ZNF892: variants seen among roughly 807,000 people sequenced by gnomAD.
ZNF892 encodes the protein zinc finger protein 892.
the ZNF892 span, among the ~76,000 whole-genome samples, chr2:95,224,584 T>C: frequency 6.6e-6 from 1 of 152,106 alleles, no homozygotes; most frequent in Non-Finnish European, 1.5e-5. Context: ...TGAGAACTCT[T>C]ATCACAAGAA....
the ZNF892 span, among the ~76,000 whole-genome samples, chr2:95,223,857 A>G: frequency 6.6e-6 from 1 of 152,198 alleles, no homozygotes; most frequent in African/African-American, 2.4e-5. Context: ...TATGGTCTGT[A>G]TGTTTGTGTA....
At chr2:95,216,376 A>T in the ZNF892 span, among the ~76,000 whole-genome samples, 1 of 152,206 alleles carries the variant, frequency 6.6e-6, no homozygotes, top group Admixed American at 6.5e-5. Context: ...TAGAAAATTG[A>T]GTACAGAAGA....
chr2:95,237,226 C>A, the ZNF892 span, among the ~76,000 whole-genome samples: 1 of 151,436 alleles, frequency 6.6e-6, no homozygotes, highest in African/African-American at 2.4e-5. Flanking sequence ...CGGCTCACTG[C>A]AACCTCCACC....
the ZNF892 span, among the ~76,000 whole-genome samples, chr2:95,213,216 T>G: frequency 6.6e-6 from 1 of 152,212 alleles, no homozygotes; most frequent in South Asian, 2.1e-4. Flanking sequence ...CTCACTATCC[T>G]CCACTAACTG....
At chr2:95,207,934 A>C in the ZNF892 span, 1 of 398,118 alleles carries the variant, frequency 2.5e-6, no homozygotes, top group South Asian at 1.3e-4. Context: ...GAGTAGCGTC[A>C]CGAGCCCCTT....
At chr2:95,256,910 G>A in the ZNF892 span, among the ~76,000 whole-genome samples, 16 of 152,314 alleles carry the variant, frequency 1.1e-4, no homozygotes, top group East Asian at 2.7e-3. Context: ...TTGTGCCGTG[G>A]TTTTCAGCTC....
the ZNF892 span, among the ~76,000 whole-genome samples, chr2:95,247,162 A>G: frequency 1.3e-5 from 2 of 152,222 alleles, no homozygotes; most frequent in African/African-American, 4.8e-5. Flanking sequence ...AAACAGACAC[A>G]TAGACCAATG....
the ZNF892 span, among the ~76,000 whole-genome samples, chr2:95,248,838 C>G: frequency 2.6e-5 from 4 of 151,988 alleles, no homozygotes; most frequent in Non-Finnish European, 5.9e-5. Flanking sequence ...TTGGAATAAC[C>G]GGTCATTTTA....
At chr2:95,242,577 T>C in the ZNF892 span, among the ~76,000 whole-genome samples, 29 of 152,292 alleles carry the variant, frequency 1.9e-4, no homozygotes, top group Non-Finnish European at 3.4e-4. Flanking sequence ...ATGAAGCAAT[T>C]GCATAAACAA....
At chr2:95,210,566 T>C in the ZNF892 span, among the ~76,000 whole-genome samples, 1 of 152,220 alleles carries the variant, frequency 6.6e-6, no homozygotes, top group African/African-American at 2.4e-5. Context: ...CAATGTTTAA[T>C]AGGCTTCTGT....
chr2:95,228,187 A>G, the ZNF892 span, among the ~76,000 whole-genome samples: 1 of 152,326 alleles, frequency 6.6e-6, no homozygotes. Context: ...ATGTTCTACC[A>G]TCTGCGTTTT....
the ZNF892 span, among the ~76,000 whole-genome samples, chr2:95,261,411 C>T: frequency 1.3e-5 from 2 of 152,188 alleles, no homozygotes; most frequent in South Asian, 2.1e-4. Context: ...TCTCCTGCCT[C>T]AGCCTCTTGA....
chr2:95,210,169 ATATATGTGTATATATG>A, the ZNF892 span, among the ~76,000 whole-genome samples: 16 of 148,784 alleles, frequency 1.1e-4, 1 homozygote, highest in African/African-American at 1.2e-4. Context: ...GTATATATGT[ATATATGTGTATATATG>A]TATATGTGTA....
the ZNF892 span, among the ~76,000 whole-genome samples, chr2:95,249,860 A>C: frequency 3.3e-5 from 5 of 152,204 alleles, no homozygotes; most frequent in Non-Finnish European, 7.4e-5. Context: ...CTAGATAGTC[A>C]ATGAATATTC....
chr2:95,220,000 G>A, the ZNF892 span, among the ~76,000 whole-genome samples: 1 of 152,176 alleles, frequency 6.6e-6, no homozygotes, highest in East Asian at 1.9e-4. Flanking sequence ...ATTGGTATAA[G>A]TCCTGACCCC....
the ZNF892 span, among the ~76,000 whole-genome samples, chr2:95,220,537 A>G: frequency 6.6e-6 from 1 of 152,194 alleles, no homozygotes; most frequent in South Asian, 2.1e-4. Flanking sequence ...TTTGCTTTGT[A>G]TATAATATCC....
At chr2:95,227,039 C>T in the ZNF892 span, among the ~76,000 whole-genome samples, 1 of 152,042 alleles carries the variant, frequency 6.6e-6, no homozygotes, top group Non-Finnish European at 1.5e-5. Context: ...ATGAAATAAT[C>T]GCTACCACAA....
At chr2:95,262,032 C>T in the ZNF892 span, among the ~76,000 whole-genome samples, 3 of 152,216 alleles carry the variant, frequency 2.0e-5, no homozygotes, top group Admixed American at 2.0e-4. Flanking sequence ...TGAATTATTT[C>T]GTTTACGCTT....
chr2:95,223,547 C>T, the ZNF892 span, among the ~76,000 whole-genome samples: 63 of 152,142 alleles, frequency 4.1e-4, no homozygotes, highest in African/African-American at 1.4e-3. Flanking sequence ...TACAGGCATG[C>T]ACCACCACAC....
Sources: gnomAD v4.1 joint callset for allele counts (sites outside exome capture counted in the v4.1 genomes callset) on GRCh38, gnomAD v4.1.1 for gene constraint, MANE v1.5 for transcripts, NCBI Gene and HGNC (gene_info 2026-07-23, HGNC 2026-07-21) for gene names.